The following SORCS2 variants were observed in gnomAD, a reference collection of about 807,000 sequenced individuals.
The protein encoded by SORCS2 is sortilin related VPS10 domain containing receptor 2.
In SORCS2, 100 loss-of-function variants were observed where a neutral mutation model predicts 141.6. The observed-to-expected ratio is 0.71, with a 90% CI of 0.60 to 0.83. The LOEUF is 0.83. Among genes scored for constraint, SORCS2 ranks in the 40% least tolerant of loss-of-function variants. The pLI is 0.00. For missense variants in SORCS2, 1,646 were observed against 1,560.2 expected (o/e 1.05, Z -0.93); for synonymous variants, 789 against 676.9 (o/e 1.17, Z -2.57).
intron 2 of SORCS2, among the ~76,000 whole-genome samples, chr4:7,492,705 A>C (rs1298034457): frequency 6.6e-6 from 1 of 152,240 alleles, no homozygotes. Flanking sequence ...GCTGCTGACA[A>C]GCATACCTGA....
intron 2 of SORCS2, among the ~76,000 whole-genome samples, chr4:7,401,802 T>C (rs979875904): frequency 7.2e-5 from 11 of 152,158 alleles, no homozygotes; most frequent in Non-Finnish European, 1.3e-4. Flanking sequence ...CTCAGGATAA[T>C]TGGGGGTGGA....
At chr4:7,516,307 G>C (rs1732975671) in intron 2 of SORCS2, among the ~76,000 whole-genome samples, 1 of 152,108 alleles carries the variant, frequency 6.6e-6, no homozygotes, top group African/African-American at 2.4e-5. Flanking sequence ...GGGACGGCAG[G>C]CCTCTTGCTC....
intron 1 of SORCS2, among the ~76,000 whole-genome samples, chr4:7,198,581 G>A (rs756824190): frequency 3.9e-5 from 6 of 152,158 alleles, no homozygotes; most frequent in South Asian, 2.1e-4. Flanking sequence ...CTGGGCCTCC[G>A]TCCAGAGGAA....
intron 1 of SORCS2, among the ~76,000 whole-genome samples, chr4:7,275,674 G>C (rs1052946053): frequency 1.3e-5 from 2 of 152,080 alleles, no homozygotes; most frequent in Non-Finnish European, 2.9e-5. Flanking sequence ...TTATGCTTCT[G>C]TTGTCCTGTG....
At chr4:7,253,075 C>T (rs1032845764) in intron 1 of SORCS2, among the ~76,000 whole-genome samples, 1 of 152,246 alleles carries the variant, frequency 6.6e-6, no homozygotes, top group Non-Finnish European at 1.5e-5. Flanking sequence ...CCCCCCATGG[C>T]TGGTTTTTCC....
At chr4:7,700,552 C>T (rs1340351901) in intron 12 of SORCS2, among the ~76,000 whole-genome samples, 1 of 152,334 alleles carries the variant, frequency 6.6e-6, no homozygotes, top group East Asian at 1.9e-4. Context: ...AAAATCTGTG[C>T]CTGTGACACC....
At chr4:7,228,758 T>C (rs1711587606) in intron 1 of SORCS2, among the ~76,000 whole-genome samples, 1 of 152,238 alleles carries the variant, frequency 6.6e-6, no homozygotes, top group African/African-American at 2.4e-5. Context: ...CTGGGGCTGC[T>C]GTGGCCACAG....
At chr4:7,448,534 TC>T (rs1728159688) in intron 2 of SORCS2, among the ~76,000 whole-genome samples, 1 of 121,504 alleles carries the variant, frequency 8.2e-6, no homozygotes, top group African/African-American at 3.1e-5. Context: ...CTCTCTTCCT[TC>T]CTTCCTTCCT....
chr4:7,617,085 T>C (rs1267708369), intron 3 of SORCS2, among the ~76,000 whole-genome samples: 4 of 152,258 alleles, frequency 2.6e-5, no homozygotes, highest in East Asian at 1.9e-4. Context: ...CTAGTCCAAA[T>C]TGTGGCCAGG....
intron 4 of SORCS2, among the ~76,000 whole-genome samples, chr4:7,642,672 C>T (rs943706498): frequency 1.3e-5 from 2 of 152,180 alleles, no homozygotes; most frequent in African/African-American, 4.8e-5. Context: ...TAACACACAG[C>T]TCCAAGCCTC....
At chr4:7,382,374 G>A (rs773469180) in intron 1 of SORCS2, among the ~76,000 whole-genome samples, 2 of 152,128 alleles carry the variant, frequency 1.3e-5, no homozygotes, top group Non-Finnish European at 2.9e-5. Context: ...GAGTTCCCAA[G>A]TGACATCTCC....
chr4:7,714,101 C>G, intron 15 of SORCS2, 139 bp from the exon 16 acceptor site: 1 of 1,260,504 alleles, frequency 7.9e-7, no homozygotes, highest in Non-Finnish European at 1.1e-6. Flanking sequence ...CATGTCACGC[C>G]CCATTATGGG....
rs190164952 is a variant in SORCS2, at chr4:7,642,965, C to T, written c.813+4473C>T. The stretch of plus-strand genomic sequence containing the variant: ...GCCAAAGCAAGTCACATGACAAGCC[C>T]AGAGTCAATGGAGTGGACACAATTG... On this transcript the variant is annotated intron_variant, in intron 4 of 26. Transcript: ENST00000507866. Among the ~76,000 whole-genome samples, 361 of 152,312 alleles carry T rather than the reference C, an allele frequency of 2.4e-3. 1 individual carries two copies. The highest frequency in any genetic ancestry group is 8.0e-3 in the African/African-American group (331 of 41,570).
chr4:7,558,204 T>C (rs568553524), intron 3 of SORCS2, among the ~76,000 whole-genome samples: 13 of 152,174 alleles, frequency 8.5e-5, no homozygotes, highest in Non-Finnish European at 1.6e-4. Flanking sequence ...ACTGACTCCA[T>C]TTGAGAAACA....
At chr4:7,247,673 G>A (rs1008481342) in intron 1 of SORCS2, among the ~76,000 whole-genome samples, 1 of 152,322 alleles carries the variant, frequency 6.6e-6, no homozygotes, top group Middle Eastern at 3.4e-3. Flanking sequence ...CCAAGGCTAC[G>A]AGAGTGCTGG....
chr4:7,739,924 G>A (rs1017478074), intron 26 of SORCS2, among the ~76,000 whole-genome samples: 4 of 152,284 alleles, frequency 2.6e-5, no homozygotes, highest in African/African-American at 7.2e-5. Context: ...CGATCCCCAC[G>A]CAGGTCAGTG....
At chr4:7,311,053 A>G (rs1207528571) in intron 1 of SORCS2, among the ~76,000 whole-genome samples, 1 of 152,110 alleles carries the variant, frequency 6.6e-6, no homozygotes, top group Non-Finnish European at 1.5e-5. Context: ...ATTACCCCTA[A>G]AAGTCTCCTC....
At chr4:7,677,478 T>C (rs1723239320) in intron 9 of SORCS2, among the ~76,000 whole-genome samples, 1 of 152,236 alleles carries the variant, frequency 6.6e-6, no homozygotes, top group Non-Finnish European at 1.5e-5. Flanking sequence ...CCCAGGCCTG[T>C]CTGCTTTGAG....
intron 1 of SORCS2, among the ~76,000 whole-genome samples, chr4:7,395,515 T>G (rs368035989): frequency 8.5e-5 from 13 of 152,174 alleles, no homozygotes; most frequent in African/African-American, 2.7e-4. Flanking sequence ...TCAGGGCCGG[T>G]GCATCCTTAT....
Sources: gnomAD v4.1 joint callset for allele counts (sites outside exome capture counted in the v4.1 genomes callset) on GRCh38, gnomAD v4.1.1 for gene constraint, MANE v1.5 for transcripts, NCBI Gene and HGNC (gene_info 2026-07-23, HGNC 2026-07-21) for gene names.